Variants in PCDH11Y observed in about 807,000 individuals in gnomAD.
PCDH11Y encodes the protein protocadherin-11 Y-linked.
For missense variants in PCDH11Y, 12 were observed against 224.8 expected (o/e 0.05, Z 6.05); for synonymous variants, 9 against 83.6 (o/e 0.11, Z 4.87).
intron 4 of PCDH11Y, among the ~76,000 whole-genome samples, chrY:5,672,891 G>A: frequency 2.0e-4 from 6 of 30,442 alleles, no homozygotes; most frequent in African/African-American, 6.3e-4. Context: ...TTTGATGTAG[G>A]CAAATATAGC....
At chrY:5,049,962 A>AT (rs2052649080) in intron 3 of PCDH11Y, among the ~76,000 whole-genome samples, 6 of 32,854 alleles carry the variant, frequency 1.8e-4, no homozygotes, top group East Asian at 1.5e-3. Context: ...TTGGTTATCC[A>AT]TTTTTTTGGT....
At chrY:5,056,342 A>G in exon 1 of PCDH11Y, 1 of 209,969 alleles carries the variant, frequency 4.8e-6, no homozygotes, top group Non-Finnish European at 5.8e-6. Context: ...TCTTCAAATC[A>G]AACTTTATTA....
At chrY:5,462,927 A>G in intron 2 of PCDH11Y, among the ~76,000 whole-genome samples, 1 of 33,503 alleles carries the variant, frequency 3.0e-5, no homozygotes, top group South Asian at 6.6e-4. Flanking sequence ...GTGAGCCAAC[A>G]CGCCTGGCCA....
At chrY:5,493,789 C>T in intron 2 of PCDH11Y, among the ~76,000 whole-genome samples, 1 of 33,423 alleles carries the variant, frequency 3.0e-5, no homozygotes, top group Non-Finnish European at 7.4e-5. Context: ...GGGAACTTCT[C>T]CTTCTGTCAA....
chrY:5,334,807 A>G, intron 2 of PCDH11Y, among the ~76,000 whole-genome samples: 1 of 31,213 alleles, frequency 3.2e-5, no homozygotes, highest in Non-Finnish European at 7.7e-5. Flanking sequence ...AAAATCTTAG[A>G]CTAAGATTTC....
chrY:5,638,145 G>A, intron 4 of PCDH11Y, among the ~76,000 whole-genome samples: 3 of 25,029 alleles, frequency 1.2e-4, no homozygotes, highest in Admixed American at 4.1e-4. Flanking sequence ...TTTTAGTAGA[G>A]ACGGGGATTC....
intron 2 of PCDH11Y, among the ~76,000 whole-genome samples, chrY:5,402,741 C>T: frequency 3.8e-5 from 1 of 26,059 alleles, no homozygotes; most frequent in Non-Finnish European, 8.7e-5. Flanking sequence ...TGGGTTCAAG[C>T]GATTCTCCTG....
At chrY:5,413,962 G>A in intron 2 of PCDH11Y, among the ~76,000 whole-genome samples, 4 of 32,616 alleles carry the variant, frequency 1.2e-4, no homozygotes, top group Non-Finnish European at 2.3e-4. Flanking sequence ...TGAAATTTCC[G>A]ATTGTGTTTA....
intron 2 of PCDH11Y, among the ~76,000 whole-genome samples, chrY:5,220,577 A>T (rs2052952439): frequency 3.8e-5 from 1 of 26,403 alleles, no homozygotes; most frequent in African/African-American, 1.5e-4. Flanking sequence ...CGCCTGGCTA[A>T]TTTTTTGTAT....
At chrY:5,345,416 T>C in intron 2 of PCDH11Y, among the ~76,000 whole-genome samples, 1 of 33,360 alleles carries the variant, frequency 3.0e-5, no homozygotes, top group South Asian at 6.7e-4. Flanking sequence ...AAGTCTTTTC[T>C]ACTAATAATA....
chrY:5,528,545 G>A, intron 3 of PCDH11Y, among the ~76,000 whole-genome samples: 1 of 33,075 alleles, frequency 3.0e-5, no homozygotes, highest in Non-Finnish European at 7.5e-5. Flanking sequence ...TGACATTAAT[G>A]TACTTTTACA....
intron 2 of PCDH11Y, chrY:5,207,829 G>A: frequency 3.8e-6 from 1 of 263,217 alleles, no homozygotes; most frequent in African/African-American, 7.8e-5. Context: ...TCGGTGCCTA[G>A]TGTATTATCC....
chrY:5,653,656 C>T (rs2053533806), intron 4 of PCDH11Y, among the ~76,000 whole-genome samples: 1 of 33,169 alleles, frequency 3.0e-5, no homozygotes, highest in Non-Finnish European at 7.4e-5. Context: ...CTGAAAGTGA[C>T]GGGGAGAATG....
chrY:5,185,364 C>T, intron 2 of PCDH11Y, among the ~76,000 whole-genome samples: 3 of 33,161 alleles, frequency 9.0e-5, no homozygotes, highest in Non-Finnish European at 1.5e-4. Flanking sequence ...CAGGCATGAG[C>T]CACCACACCT....
At chrY:5,141,611 A>G in intron 2 of PCDH11Y, among the ~76,000 whole-genome samples, 1 of 25,795 alleles carries the variant, frequency 3.9e-5, no homozygotes, top group African/African-American at 1.6e-4. Flanking sequence ...ATAATGCCGC[A>G]TATCTACAAC....
chrY:5,298,907 G>A (rs2053078469), intron 2 of PCDH11Y, among the ~76,000 whole-genome samples: 1 of 32,657 alleles, frequency 3.1e-5, no homozygotes, highest in African/African-American at 1.2e-4. Context: ...TGAAGTTAAA[G>A]TGAGACCAGA....
At chrY:5,289,601 G>A (rs2124661727) in intron 2 of PCDH11Y, among the ~76,000 whole-genome samples, 5 of 33,077 alleles carry the variant, frequency 1.5e-4, no homozygotes, top group African/African-American at 5.8e-4. Flanking sequence ...CCAAGGAGCT[G>A]CAGGATGGAT....
At chrY:5,384,190 C>G in intron 2 of PCDH11Y, among the ~76,000 whole-genome samples, 2 of 32,116 alleles carry the variant, frequency 6.2e-5, no homozygotes, top group Non-Finnish European at 1.5e-4. Context: ...GTTTGGAAGT[C>G]CTAGTTAATG....
chrY:5,653,675 T>C, intron 4 of PCDH11Y, among the ~76,000 whole-genome samples: 1 of 33,185 alleles, frequency 3.0e-5, no homozygotes. Flanking sequence ...TGGAACCAAG[T>C]TGGAAAACAC....
Sources: allele counts gnomAD v4.1 joint callset (sites outside exome capture counted in the v4.1 genomes callset), GRCh38; gene constraint gnomAD v4.1.1; transcripts MANE v1.5; gene names NCBI Gene and HGNC (gene_info 2026-07-23, HGNC 2026-07-21).